The following NIPA2 variants were observed in gnomAD, a reference collection of about 807,000 sequenced individuals.
The protein encoded by NIPA2 is magnesium transporter NIPA2.
Under a neutral mutation model 29.7 loss-of-function variants are expected in NIPA2, and 11 were observed. That is an observed-to-expected ratio of 0.37 (90% confidence interval 0.23 to 0.61). NIPA2 has a LOEUF of 0.61. NIPA2 is among the 20% of genes least tolerant of loss of function. The pLI is 0.66. For missense variants in NIPA2, 426 were observed against 437.9 expected (o/e 0.97, Z 0.24); for synonymous variants, 183 against 161.9 (o/e 1.13, Z -0.99).
chr15:22,848,825 CAAAAAA>C lies in NIPA2; in HGVS notation c.-93-2793_-93-2788del, dbSNP rs35853443. On this transcript the variant is annotated intron_variant, in intron 3 of 7. Coordinates refer to ENST00000337451, the MANE Select transcript of NIPA2 (RefSeq NM_030922.7). ...GGGTGACAGAGCAAGACTCTTGTCTCAAAAAAAAAAAAAAAAAAAAAAAAAAGAATT... is the reference window on the plus strand; with the variant it reads ...GGGTGACAGAGCAAGACTCTTGTCTCAAAAAAAAAAAAAAAAAAAAGAATT... 5.2e-4 allele frequency among the ~76,000 whole-genome samples: 35 copies of C among 66,742 alleles called. No homozygotes were observed. In the South Asian group the frequency reaches 0.01, roughly 20 times the overall value. The allele number at this position is 66,742 out of a possible 152,430, so 43.8% of individuals were successfully genotyped here. A position where few individuals can be genotyped will look rare whatever the true frequency, so the allele number is the denominator to read the frequency against.
intron 5 of NIPA2, among the ~76,000 whole-genome samples, chr15:22,856,943 A>G (rs556664859): frequency 7.7e-4 from 117 of 152,346 alleles, no homozygotes; most frequent in Admixed American, 1.8e-3. Flanking sequence ...TTCAATTTAG[A>G]TAATTCCTTA....
Position 22,843,015 on chromosome 15 carries a change from A to G in NIPA2, c.-215-2131A>G, listed in dbSNP as rs553333232. 4.2e-4 allele frequency among the ~76,000 whole-genome samples: 64 copies of G among 151,756 alleles called. 1 individual carries two copies. The highest frequency in any genetic ancestry group is 1.1e-3 in the Admixed American group (17 of 15,246). ...GAGACTCTGTCTCAAAAAAAAAAAA[A>G]AGAGAGATCTAAAAGGTAGGTTTGG... is the stretch of plus-strand genomic sequence containing the variant. On this transcript the variant is annotated intron_variant, in intron 2 of 7. Transcript: ENST00000337451.
In NIPA2 at chr15:22,853,564, C is replaced by T. The variant is rs564525659; in HGVS notation, c.196+296C>T. Among the ~76,000 whole-genome samples the T allele has an allele frequency of 1.5e-4, 22 of 151,668 alleles. No homozygotes were observed. In the East Asian group the frequency reaches 3.7e-3, roughly 26 times the overall value. On this transcript the variant is annotated intron_variant, in intron 5 of 7. Transcript: ENST00000337451. The stretch of plus-strand genomic sequence containing the variant: ...TAATTTTTTGTATTTTTAGTAGAGA[C>T]GGGGTTTCACTGTGTTGGTCAGGCT...
chr15:22,847,336 C>T (rs928168394), intron 3 of NIPA2, among the ~76,000 whole-genome samples: 3 of 152,136 alleles, frequency 2.0e-5, no homozygotes, highest in South Asian at 2.1e-4. Context: ...TTGATTTGTT[C>T]CATTACCATA....
chr15:22,846,896 G>T lies in NIPA2; in HGVS notation c.-94+1629G>T, dbSNP rs1898882372. Among the ~76,000 whole-genome samples, 1 of 137,954 alleles carries T rather than the reference G, an allele frequency of 7.2e-6. No homozygotes were observed. The highest frequency in any genetic ancestry group is 2.7e-5 in the African/African-American group (1 of 37,368). The allele number at this position is 137,954 out of a possible 152,430, so 90.5% of individuals were successfully genotyped here. A position where few individuals can be genotyped will look rare whatever the true frequency, so the allele number is the denominator to read the frequency against. On this transcript the variant is annotated intron_variant, in intron 3 of 7. Transcript: ENST00000337451. Reference sequence around the variant, plus strand: ...TGTGAGTCTGTTGTTTTTTGTTTTTGTTGTTGTTTTTTTTTTGTTTGTTTG... The same window carrying T: ...TGTGAGTCTGTTGTTTTTTGTTTTTTTTGTTGTTTTTTTTTTGTTTGTTTG...
intron 7 of NIPA2, among the ~76,000 whole-genome samples, chr15:22,862,899 T>C (rs2058717668): frequency 3.6e-5 from 2 of 54,808 alleles, no homozygotes; most frequent in Non-Finnish European, 5.9e-5. Context: ...GCCTTTATTC[T>C]TTTTTTTTTT....
intron 5 of NIPA2, among the ~76,000 whole-genome samples, chr15:22,855,323 A>G (rs889811187): frequency 1.3e-5 from 2 of 152,062 alleles, no homozygotes; most frequent in African/African-American, 2.4e-5. Flanking sequence ...AGGCTGAGGC[A>G]GGAGAATCGC....
intron 7 of NIPA2, among the ~76,000 whole-genome samples, chr15:22,865,193 A>G (rs1311880020): frequency 1.3e-5 from 2 of 149,562 alleles, no homozygotes; most frequent in African/African-American, 4.9e-5. Flanking sequence ...TGTGTCTTTA[A>G]TAATCTATTA....
At position 22,867,861 on chromosome 15, in the gene NIPA2, G is replaced by A. The variant is rs1188229407; in HGVS notation, c.*1014G>A. ...TTTCTAGAAAATGTTTGTTTATGAA[G>A]AAGTCGATGGAAAACTGCAAACATA... On this transcript the variant is annotated 3_prime_UTR_variant, in exon 8 of 8. Coordinates refer to ENST00000337451, the MANE Select transcript of NIPA2 (RefSeq NM_030922.7). The A allele has an allele frequency of 4.7e-5, 7 of 148,678 alleles. No individual in the cohort carries two copies. Among genetic ancestry groups the A allele is most frequent in the Non-Finnish European group, 1.0e-4 (7 of 66,862 alleles). 9.2% of individuals were successfully genotyped at this position (148,678 alleles called of 1,614,324 possible).
chr15:22,841,436 A>T (rs1007813501), intron 2 of NIPA2, among the ~76,000 whole-genome samples: 1 of 152,180 alleles, frequency 6.6e-6, no homozygotes, highest in African/African-American at 2.4e-5. Flanking sequence ...TGGCCAAATA[A>T]ATGGGTTGCA....
At chr15:22,839,240 AGTC>A (rs1440801507) in intron 1 of NIPA2, 1 of 152,228 alleles carries the variant, frequency 6.6e-6, no homozygotes, top group Non-Finnish European at 1.5e-5. Flanking sequence ...AAGCCTTAGA[AGTC>A]TGCTGTGACG....
At position 22,866,331 on chromosome 15, in the gene NIPA2, C is replaced by G. The variant is rs148641796; in HGVS notation, c.567C>G (p.Gly189=). ...LVYITICSVI[G]AFSVSCVKGL... ...ACATAACAATCTGCTCTGTAATCGG[C>G]GCGTTTTCAGTCTCCTGTGTGAAGG... Residue 189 remains glycine (G), a synonymous_variant, in exon 8 of 8, where the codon GGC becomes GGG. Transcript: ENST00000337451. 1.4e-4 allele frequency: 229 copies of G among 1,613,824 alleles called. No individual in the cohort carries two copies. Among genetic ancestry groups the G allele is most frequent in the Non-Finnish European group, 1.8e-4 (214 of 1,179,960 alleles).
At position 22,866,893 on chromosome 15, in the gene NIPA2, T is replaced by C. The variant is rs1325373301; in HGVS notation, c.*46T>C. On this transcript the variant is annotated 3_prime_UTR_variant, in exon 8 of 8. Transcript: ENST00000337451. The stretch of plus-strand genomic sequence containing the variant: ...AATCTGTGATTGTTATGAAGTGAAT[T>C]TGAATATCATCAGAATGTGTCTGAA... The C allele has an allele frequency of 2.7e-6, 4 of 1,475,202 alleles. No homozygotes were observed. Among genetic ancestry groups the C allele is most frequent in the African/African-American group, 1.4e-5 (1 of 71,208 alleles). 91.4% of individuals were successfully genotyped at this position (1,475,202 alleles called of 1,614,324 possible).
rs2058631675 is a variant in NIPA2 at position 22,861,696 on chromosome 15, A to T, written c.448+907A>T. Among the ~76,000 whole-genome samples the T allele has an allele frequency of 2.0e-5, 3 of 152,182 alleles. No homozygotes were observed. The South Asian group carries it at 6.2e-4, about 32-fold the overall frequency. ...ACAGTGTCTGAAATTTCCCACTGACATGCCTAGAGATGGGTCCATTTTTGT... is the reference window on the plus strand; with the variant it reads ...ACAGTGTCTGAAATTTCCCACTGACTTGCCTAGAGATGGGTCCATTTTTGT... On this transcript the variant is annotated intron_variant, in intron 7 of 7. Coordinates refer to ENST00000337451, the MANE Select transcript of NIPA2 (RefSeq NM_030922.7).
At chr15:22,864,123 G>GT (rs1328761961) in intron 7 of NIPA2, among the ~76,000 whole-genome samples, 5 of 151,948 alleles carry the variant, frequency 3.3e-5, no homozygotes, top group Non-Finnish European at 7.4e-5. Context: ...TTTTCTGTTT[G>GT]TTTTGGCTTC....
chr15:22,866,193 C>G lies in NIPA2; in HGVS notation c.449-20C>G, dbSNP rs1226526906. 2.5e-6 allele frequency: 4 copies of G among 1,600,350 alleles called. No individual in the cohort carries two copies. ...ACAACCAACCATTTGACTCATGTAA[C>G]TTTTCTTTGCCTCCTCCAGGTTTTG... On this transcript the variant is annotated intron_variant, in intron 7 of 7. Transcript: ENST00000337451.
At position 22,868,149 on chromosome 15, in the gene NIPA2, G is replaced by A. The variant is rs376349866; in HGVS notation, c.*1302G>A. The A allele has an allele frequency of 1.3e-5, 2 of 152,226 alleles. No individual in the cohort carries two copies. The highest frequency in any genetic ancestry group is 3.8e-4 in the East Asian group (2 of 5,204). 9.4% of individuals were successfully genotyped at this position (152,226 alleles called of 1,614,324 possible). A position where few individuals can be genotyped will look rare whatever the true frequency, so the allele number is the denominator to read the frequency against. ...TATCCCATGCAGCTCACCACTGGCT[G>A]CGTGGAAACTCCCTTTTTTCCAACT... On this transcript the variant is annotated 3_prime_UTR_variant, in exon 8 of 8. Transcript: ENST00000337451.
At chr15:22,857,283 C>T (rs1456842067) in intron 5 of NIPA2, among the ~76,000 whole-genome samples, 2 of 149,796 alleles carry the variant, frequency 1.3e-5, no homozygotes, top group Admixed American at 6.7e-5. Context: ...ATACAAAAAT[C>T]AGCCGGGTGT....
chr15:22,850,070 C>T (rs1426679720), intron 3 of NIPA2, among the ~76,000 whole-genome samples: 5 of 152,104 alleles, frequency 3.3e-5, no homozygotes, highest in African/African-American at 1.2e-4. Flanking sequence ...TTACCCATCA[C>T]TGAATCCCCA....
Sources: gnomAD v4.1 joint callset for allele counts (sites outside exome capture counted in the v4.1 genomes callset) on GRCh38, gnomAD v4.1.1 for gene constraint, MANE v1.5 for transcripts, NCBI Gene and HGNC (gene_info 2026-07-23, HGNC 2026-07-21) for gene names.